The following LAMA4 variants were observed in gnomAD, a reference collection of about 807,000 sequenced individuals.
LAMA4 encodes the protein laminin subunit alpha-4.
Under a neutral mutation model 207.1 loss-of-function variants are expected in LAMA4, and 127 were observed. The ratio of observed to expected loss-of-function variants is 0.61; its 90% confidence interval spans 0.53 to 0.71. The LOEUF is 0.71. LAMA4 is among the 30% of genes least tolerant of loss of function. The probability of loss-of-function intolerance (pLI) is 0.00; values close to 1 mark genes in which losing one functional copy is unlikely to be tolerated. For synonymous variants in LAMA4, 761 were observed against 816.0 expected, an observed-to-expected ratio of 0.93 and a Z score of 1.15; for missense variants, 2,093 against 2,246.5, an observed-to-expected ratio of 0.93 and a Z score of 1.38.
chr6:112,194,632 AT>A (rs1257387433), intron 5 of LAMA4, among the ~76,000 whole-genome samples: 1 of 152,236 alleles, frequency 6.6e-6, no homozygotes, highest in Non-Finnish European at 1.5e-5. Context: ...TGACTTGTTC[AT>A]TGCTGCATAG....
intron 2 of LAMA4, among the ~76,000 whole-genome samples, chr6:112,225,383 C>T (rs1785155414): frequency 6.6e-6 from 1 of 152,122 alleles, no homozygotes. Context: ...AATGGGCTAA[C>T]ACTTTTAAAT....
chr6:112,137,201 T>C (rs190618925), intron 24 of LAMA4, among the ~76,000 whole-genome samples: 10 of 152,308 alleles, frequency 6.6e-5, no homozygotes, highest in African/African-American at 2.2e-4. Flanking sequence ...AGATAGTTCA[T>C]AGATACAAGA....
chr6:112,220,359 C>T (rs1554360215), intron 2 of LAMA4, among the ~76,000 whole-genome samples: 1 of 152,014 alleles, frequency 6.6e-6, no homozygotes, highest in Admixed American at 6.6e-5. Flanking sequence ...CATTTGCTTA[C>T]TTTGTTATAT....
chr6:112,116,337 A>T (rs782427762), intron 35 of LAMA4, among the ~76,000 whole-genome samples: 1 of 152,122 alleles, frequency 6.6e-6, no homozygotes, highest in African/African-American at 2.4e-5. Context: ...GAGGAAGTAG[A>T]CTCAACACAG....
intron 2 of LAMA4, 166 bp downstream of exon 2, chr6:112,253,790 A>T: frequency 6.2e-7 from 1 of 1,614,220 alleles, no homozygotes. Flanking sequence ...AATGCAACTT[A>T]CAAAGGAAAA....
chr6:112,211,526 T>C (rs1784354885), intron 3 of LAMA4, among the ~76,000 whole-genome samples: 1 of 152,202 alleles, frequency 6.6e-6, no homozygotes, highest in African/African-American at 2.4e-5. Context: ...TTTGAGTAAC[T>C]CACAGACTTG....
rs17073484 is a variant in LAMA4, at chr6:112,183,350, C to T, written c.1077+1887G>A. Among the ~76,000 whole-genome samples the T allele has an allele frequency of 7.0e-3, 1,058 of 152,160 alleles. 19 individuals are homozygous for T. Among genetic ancestry groups the T allele is most frequent in the African/African-American group, 0.024 (1,005 of 41,520 alleles). ...GAAATGTTTCAGCAGGTTTTTGCAC[C>T]ATCAGGACTGTGGTCAGAACATTAT... On this transcript the variant is annotated intron_variant, in intron 9 of 38. Coordinates refer to ENST00000230538, the MANE Select transcript of LAMA4 (RefSeq NM_001105206.3).
intron 3 of LAMA4, chr6:112,213,533 C>T (rs551773783): frequency 6.6e-6 from 1 of 152,374 alleles, no homozygotes; most frequent in Non-Finnish European, 1.5e-5. Flanking sequence ...GAAAGACACT[C>T]AAAACATAGT....
At chr6:112,235,064 C>G (rs556664388) in intron 2 of LAMA4, among the ~76,000 whole-genome samples, 1 of 152,118 alleles carries the variant, frequency 6.6e-6, no homozygotes, top group African/African-American at 2.4e-5. Context: ...GAGAATGAGG[C>G]GTGAAAGTGC....
intron 29 of LAMA4, chr6:112,130,276 G>GC: frequency 1.9e-6 from 1 of 540,340 alleles, no homozygotes; most frequent in South Asian, 2.1e-5. Flanking sequence ...AAGAAATTCA[G>GC]ATGACTAGTC....
intron 2 of LAMA4, among the ~76,000 whole-genome samples, chr6:112,223,642 C>T (rs891589897): frequency 6.6e-6 from 1 of 152,194 alleles, no homozygotes; most frequent in Non-Finnish European, 1.5e-5. Flanking sequence ...GTTTCATCAG[C>T]GTCCATTGCT....
chr6:112,153,516 G>T (rs1037872092), intron 16 of LAMA4, among the ~76,000 whole-genome samples: 1 of 152,094 alleles, frequency 6.6e-6, no homozygotes, highest in East Asian at 1.9e-4. Context: ...GGTAGGGATC[G>T]ATTAATGGTT....
At chr6:112,211,912 A>C (rs782538305) in intron 3 of LAMA4, among the ~76,000 whole-genome samples, 8 of 152,132 alleles carry the variant, frequency 5.3e-5, no homozygotes, top group Non-Finnish European at 1.0e-4. Flanking sequence ...GACAGAGTAG[A>C]GGAAGGAGAG....
intron 3 of LAMA4, among the ~76,000 whole-genome samples, chr6:112,208,163 A>T (rs1554355106): frequency 2.0e-5 from 3 of 149,256 alleles, no homozygotes; most frequent in African/African-American, 5.0e-5. Flanking sequence ...GCAGTGAAAA[A>T]TTATACTGTT....
At chr6:112,160,998 A>T (rs1331509679) in intron 13 of LAMA4, among the ~76,000 whole-genome samples, 1 of 152,080 alleles carries the variant, frequency 6.6e-6, no homozygotes, top group Non-Finnish European at 1.5e-5. Flanking sequence ...ATGACCCCCA[A>T]CCTGCTATAT....
At chr6:112,218,935 T>G (rs1481984555) in intron 2 of LAMA4, 1 of 152,254 alleles carries the variant, frequency 6.6e-6, no homozygotes, top group African/African-American at 2.4e-5. Flanking sequence ...GCCCTGGGCA[T>G]GCCCTGCTAG....
intron 20 of LAMA4, 134 bp downstream of exon 20, chr6:112,141,984 AT>A (rs1779724329): frequency 2.4e-6 from 2 of 834,894 alleles, no homozygotes; most frequent in Non-Finnish European, 4.0e-6. Flanking sequence ...TAATTTTGCC[AT>A]TAAAATGAGA....
intron 35 of LAMA4, 41 bp from the exon 36 acceptor site, chr6:112,116,034 T>C: frequency 1.9e-6 from 3 of 1,578,908 alleles, no homozygotes; most frequent in Non-Finnish European, 2.6e-6. Flanking sequence ...AACAGCAAGA[T>C]CATATTTGTA....
intron 17 of LAMA4, 25 bp from the exon 18 acceptor site, chr6:112,148,361 C>G (rs782318426): frequency 2.2e-5 from 35 of 1,613,348 alleles, no homozygotes; most frequent in Non-Finnish European, 2.8e-5. Context: ...CAGGGTCATT[C>G]ACTTTGCAGA....
Sources: gnomAD v4.1 joint callset for allele counts (sites outside exome capture counted in the v4.1 genomes callset) on GRCh38, gnomAD v4.1.1 for gene constraint, MANE v1.5 for transcripts, NCBI Gene and HGNC (gene_info 2026-07-23, HGNC 2026-07-21) for gene names.